CACNA2D4: variants seen among roughly 807,000 people sequenced by gnomAD.
CACNA2D4 encodes the protein calcium voltage-gated channel auxiliary subunit alpha2delta 4.
In CACNA2D4, 157 loss-of-function variants were observed where a neutral mutation model predicts 163.8. The observed-to-expected ratio is 0.96, with a 90% CI of 0.84 to 1.09. The LOEUF (loss-of-function observed/expected upper bound fraction) is 1.09, where lower values mean the gene tolerates loss of function less well. Ranked by LOEUF, CACNA2D4 falls within the 50% of genes least tolerant of loss-of-function variation. The probability of loss-of-function intolerance (pLI) is 0.00; values close to 1 mark genes in which losing one functional copy is unlikely to be tolerated. For synonymous variants in CACNA2D4, 598 were observed against 586.9 expected (o/e 1.02, Z -0.27); for missense variants, 1,410 against 1,479.9 (o/e 0.95, Z 0.78).
chr12:1,794,928 G>A (rs1047454192), intron 37 of CACNA2D4: 56 of 422,206 alleles, frequency 1.3e-4, no homozygotes, highest in African/African-American at 9.8e-4. Context: ...TCCTGTCTAG[G>A]GCCCCCAGCC....
At position 1,797,553 on chromosome 12, in the gene CACNA2D4, A is replaced by T. The variant is rs760770679; in HGVS notation, c.2996-18T>A. ...TTTGTGGGCTGCGGGCGGAGAAAGG[A>T]CATCACGCCACCGAAGGGGCCTCTG... On this transcript the variant is annotated intron_variant, in intron 34 of 37. Transcript: ENST00000382722. 6 of 1,538,142 alleles carry T rather than the reference A, an allele frequency of 3.9e-6. No homozygotes were observed. The highest frequency in any genetic ancestry group is 1.9e-5 in the Admixed American group (1 of 51,346).
intron 1 of CACNA2D4, among the ~76,000 whole-genome samples, chr12:1,915,606 G>C (rs1866954268): frequency 6.6e-6 from 1 of 152,244 alleles, no homozygotes; most frequent in Non-Finnish European, 1.5e-5. Context: ...AAAAGGCTCT[G>C]AGCTGCCACT....
At chr12:1,886,932 T>G in intron 7 of CACNA2D4, 77 bp downstream of exon 7, 1 of 982,552 alleles carries the variant, frequency 1.0e-6, no homozygotes, top group Non-Finnish European at 1.6e-6. Flanking sequence ...GGGGCGGAAG[T>G]GGAGGAGGAT....
chr12:1,889,426 GA>G (rs1386057021), intron 6 of CACNA2D4, among the ~76,000 whole-genome samples: 1 of 152,202 alleles, frequency 6.6e-6, no homozygotes, highest in Non-Finnish European at 1.5e-5. Flanking sequence ...CTAGAATAAA[GA>G]GATGGAAGCA....
chr12:1,887,026 G>C lies in CACNA2D4; in HGVS notation c.825C>G (p.Asp275Glu). The change falls in exon 7 of 38, where the codon GAC becomes GAG. Residue 275 changes from aspartate (D) to glutamate (E), a missense_variant. Coordinates refer to ENST00000382722, the MANE Select transcript of CACNA2D4 (RefSeq NM_172364.5). ...TPDENGVITFDCRNRGWYIQA... is the reference protein window; with the variant it reads ...TPDENGVITFECRNRGWYIQA... Reference sequence around the variant, plus strand: ...GCTCTTACCAGCCGCGGTTTCGGCAGTCAAAAGTAATGACTCCATTCTCAT... The same window carrying C: ...GCTCTTACCAGCCGCGGTTTCGGCACTCAAAAGTAATGACTCCATTCTCAT... The C allele has an allele frequency of 1.3e-6, 2 of 1,593,368 alleles. No individual in the cohort carries two copies. The highest frequency in any genetic ancestry group is 1.7e-6 in the Non-Finnish European group (2 of 1,166,500).
intron 12 of CACNA2D4, 99 bp downstream of exon 12, chr12:1,884,144 G>A (rs1866074175): frequency 8.2e-6 from 8 of 979,364 alleles, no homozygotes; most frequent in Non-Finnish European, 6.3e-6. Context: ...CCTCTTAGGG[G>A]CCCATGGGGA....
intron 23 of CACNA2D4, 33 bp downstream of exon 23, chr12:1,853,918 T>G (rs1420810822): frequency 6.4e-7 from 1 of 1,560,834 alleles, no homozygotes; most frequent in Non-Finnish European, 8.8e-7. Context: ...TGGGGGCTGG[T>G]TGGGGCCTGG....
intron 6 of CACNA2D4, among the ~76,000 whole-genome samples, chr12:1,897,499 G>A (rs1866436155): frequency 6.6e-6 from 1 of 152,122 alleles, no homozygotes; most frequent in Admixed American, 6.5e-5. Context: ...TCCCATAAAT[G>A]TGTACAAGTA....
In CACNA2D4 at chr12:1,799,708, T is replaced by TA. The variant is rs1863245869; in HGVS notation, c.2975-14dup. 1 of 1,569,328 alleles carries TA rather than the reference T, an allele frequency of 6.4e-7. No individual in the cohort carries two copies. The highest frequency in any genetic ancestry group is 1.9e-5 in the Admixed American group (1 of 53,260). ...AAGACACTTTTGGCTGGCCGGAACA[T>TA]AAGCCCAGCACAGGGTGGACACGGC... On this transcript the variant is annotated splice_polypyrimidine_tract_variant and intron_variant, in intron 33 of 37. Coordinates refer to ENST00000382722, the MANE Select transcript of CACNA2D4 (RefSeq NM_172364.5). The surrounding 1 kb of genome is among the most constrained non-coding windows in gnomAD (Gnocchi z 4.7).
chr12:1,900,624 A>G (rs1013281868), intron 6 of CACNA2D4, among the ~76,000 whole-genome samples: 2 of 152,180 alleles, frequency 1.3e-5, no homozygotes, highest in Non-Finnish European at 2.9e-5. Context: ...TTAGATAATG[A>G]TAAACAGGTC....
At chr12:1,831,754 C>T (rs1195390864) in intron 26 of CACNA2D4, among the ~76,000 whole-genome samples, 1 of 148,746 alleles carries the variant, frequency 6.7e-6, no homozygotes. Context: ...TCCACCCCCA[C>T]CCTCCCCTCC....
Position 1,878,938 on chromosome 12 carries a change from G to A in CACNA2D4, c.1644+18C>T, listed in dbSNP as rs772143637. On this transcript the variant is annotated intron_variant, in intron 15 of 37. Coordinates refer to ENST00000382722, the MANE Select transcript of CACNA2D4 (RefSeq NM_172364.5). The surrounding 1 kb of genome is among the most constrained non-coding windows in gnomAD (Gnocchi z 4.6). ...CTGGGGAACCTGTGATCCCCACAGG[G>A]AACAGACCCAGGCTCACCTTGTACC... 10 of 1,609,792 alleles carry A rather than the reference G, an allele frequency of 6.2e-6. No homozygotes were observed. Among genetic ancestry groups the A allele is most frequent in the South Asian group, 4.4e-5 (4 of 90,876 alleles).
At chr12:1,867,010 T>G (rs900818152) in intron 18 of CACNA2D4, among the ~76,000 whole-genome samples, 4 of 152,112 alleles carry the variant, frequency 2.6e-5, no homozygotes, top group Non-Finnish European at 5.9e-5. Flanking sequence ...AGTAGACAGT[T>G]TTTTCTTCTC....
At chr12:1,807,009 C>T (rs949788627) in intron 29 of CACNA2D4, among the ~76,000 whole-genome samples, 10 of 152,058 alleles carry the variant, frequency 6.6e-5, no homozygotes, top group African/African-American at 1.2e-4. Context: ...ACAATGATCC[C>T]GGCCTCCTGG....
At chr12:1,889,642 A>G (rs1203461708) in intron 6 of CACNA2D4, among the ~76,000 whole-genome samples, 2 of 152,142 alleles carry the variant, frequency 1.3e-5, no homozygotes, top group South Asian at 2.1e-4. Flanking sequence ...TTAAAATGTT[A>G]TTGTATTAAA....
rs144670131 is a variant in CACNA2D4, at chr12:1,852,572, G to A, written c.2246+1379C>T. On this transcript the variant is annotated intron_variant, in intron 23 of 37. Transcript: ENST00000382722. ...TGCCTTTTCTATATCTTTGGAGATG[G>A]TTATGTATTTTTTTCTCCTTAACTG... Among the ~76,000 whole-genome samples, 1,020 of 152,174 alleles carry A rather than the reference G, an allele frequency of 6.7e-3. 6 individuals are homozygous for A. The highest frequency in any genetic ancestry group is 0.023 in the African/African-American group (975 of 41,504).
chr12:1,836,783 C>T (rs1460883051), intron 26 of CACNA2D4: 1 of 152,710 alleles, frequency 6.5e-6, no homozygotes, highest in Non-Finnish European at 1.5e-5. Flanking sequence ...GGGAAGGGGA[C>T]CTGGGTGCCA....
intron 18 of CACNA2D4, among the ~76,000 whole-genome samples, chr12:1,868,992 G>A (rs1021563527): frequency 6.6e-6 from 1 of 152,094 alleles, no homozygotes; most frequent in African/African-American, 2.4e-5. Context: ...TTAATAGAAG[G>A]GACTGGGGCA....
rs376792849 is a variant in CACNA2D4 at position 1,828,236 on chromosome 12, G to A, written c.2551+12503C>T. On this transcript the variant is annotated intron_variant, in intron 26 of 37. Coordinates refer to ENST00000382722, the MANE Select transcript of CACNA2D4 (RefSeq NM_172364.5). The surrounding 1 kb of genome is among the most constrained non-coding windows in gnomAD (Gnocchi z 4.2). ...CTCCTGTGAGTACACCCCTGGCCTC[G>A]GAGGGGGGTGCGGGTTGGGTGGGGG... 425 of 1,533,892 alleles carry A rather than the reference G, an allele frequency of 2.8e-4. 1 individual carries two copies. The highest frequency in any genetic ancestry group is 3.4e-4 in the Non-Finnish European group (384 of 1,138,236).
Sources: allele counts gnomAD v4.1 joint callset (sites outside exome capture counted in the v4.1 genomes callset), GRCh38; gene constraint gnomAD v4.1.1; non-coding constraint Gnocchi (gnomAD v3.1); transcripts MANE v1.5; gene names NCBI Gene and HGNC (gene_info 2026-07-23, HGNC 2026-07-21).